The following STXBP5L variants were observed in gnomAD, a reference collection of about 807,000 sequenced individuals.
STXBP5L encodes syntaxin binding protein 5L.
In STXBP5L, 65 loss-of-function variants were observed where a neutral mutation model predicts 144.5. The observed-to-expected ratio is 0.45, with a 90% CI of 0.37 to 0.55. The LOEUF (loss-of-function observed/expected upper bound fraction) is 0.55, where lower values mean the gene tolerates loss of function less well. Ranked by LOEUF, STXBP5L falls within the 20% of genes least tolerant of loss-of-function variation. STXBP5L has a pLI of 0.00. For synonymous variants in STXBP5L, 505 were observed against 469.6 expected (o/e 1.08, Z -0.97); for missense variants, 1,298 against 1,405.5 (o/e 0.92, Z 1.22).
intron 10 of STXBP5L, among the ~76,000 whole-genome samples, chr3:121,207,989 A>G (rs1012602200): frequency 6.6e-5 from 10 of 152,188 alleles, no homozygotes; most frequent in African/African-American, 2.4e-4. Context: ...CTGGGTATAT[A>G]CCCAAAGGAT....
At chr3:121,011,649 G>C (rs1397339596) in intron 3 of STXBP5L, among the ~76,000 whole-genome samples, 1 of 151,012 alleles carries the variant, frequency 6.6e-6, no homozygotes, top group Non-Finnish European at 1.5e-5. Flanking sequence ...GTTACTCCTG[G>C]TAATATTCAC....
chr3:121,082,286 T>A (rs1317971785), intron 5 of STXBP5L, among the ~76,000 whole-genome samples: 1 of 150,568 alleles, frequency 6.6e-6, no homozygotes, highest in Non-Finnish European at 1.5e-5. Context: ...TCTTCTTTGA[T>A]TTCTTTCATC....
At chr3:120,984,782 A>G (rs564172354) in intron 3 of STXBP5L, among the ~76,000 whole-genome samples, 30 of 151,922 alleles carry the variant, frequency 2.0e-4, no homozygotes, top group Non-Finnish European at 3.8e-4. Flanking sequence ...AGTATGATGT[A>G]TGATGTATGC....
At chr3:121,350,449 T>A (rs1390655675) in intron 20 of STXBP5L, among the ~76,000 whole-genome samples, 2 of 152,174 alleles carry the variant, frequency 1.3e-5, no homozygotes, top group African/African-American at 4.8e-5. Flanking sequence ...GGAGTTGCTC[T>A]TCTCGAGGAG....
chr3:120,956,566 C>A (rs548933471), intron 3 of STXBP5L, among the ~76,000 whole-genome samples: 3 of 151,916 alleles, frequency 2.0e-5, no homozygotes, highest in Admixed American at 2.0e-4. Context: ...ATTTTGATAT[C>A]TGTTCGTTAA....
intron 9 of STXBP5L, among the ~76,000 whole-genome samples, chr3:121,175,093 G>C (rs1359880558): frequency 3.9e-5 from 6 of 152,212 alleles, no homozygotes; most frequent in Non-Finnish European, 5.9e-5. Flanking sequence ...TGTATCTACT[G>C]TCCACACACC....
intron 18 of STXBP5L, among the ~76,000 whole-genome samples, chr3:121,277,512 T>A (rs2050922475): frequency 6.6e-6 from 1 of 152,056 alleles, no homozygotes. Flanking sequence ...TTTGTCACAT[T>A]TGTATTTTCC....
At chr3:121,167,978 G>A (rs1367963244) in intron 9 of STXBP5L, among the ~76,000 whole-genome samples, 1 of 152,194 alleles carries the variant, frequency 6.6e-6, no homozygotes, top group Admixed American at 6.5e-5. Flanking sequence ...AGCTTCCAGA[G>A]GAAGGACCAG....
At chr3:121,052,811 T>A (rs976874463) in intron 5 of STXBP5L, among the ~76,000 whole-genome samples, 11 of 152,198 alleles carry the variant, frequency 7.2e-5, no homozygotes, top group Non-Finnish European at 1.5e-4. Flanking sequence ...AAATTGTCCC[T>A]GTTTGCAGAT....
At chr3:121,136,514 AACT>A (rs2045264706) in intron 7 of STXBP5L, among the ~76,000 whole-genome samples, 1 of 152,192 alleles carries the variant, frequency 6.6e-6, no homozygotes, top group South Asian at 2.1e-4. Context: ...TCCAAATCAA[AACT>A]ACAATAAGCT....
At chr3:121,188,664 C>G (rs1035829555) in intron 9 of STXBP5L, among the ~76,000 whole-genome samples, 1 of 152,166 alleles carries the variant, frequency 6.6e-6, no homozygotes, top group Non-Finnish European at 1.5e-5. Context: ...ATACGCAAAT[C>G]AATAAACGTA....
chr3:120,996,670 A>C (rs541676934), intron 3 of STXBP5L, among the ~76,000 whole-genome samples: 1 of 152,052 alleles, frequency 6.6e-6, no homozygotes, highest in Non-Finnish European at 1.5e-5. Context: ...TATGAATTCA[A>C]CTTTTTTAGA....
rs1350337307 is a variant in STXBP5L, at chr3:121,313,465, C to T, written c.2111-5010C>T. Among the ~76,000 whole-genome samples the T allele has an allele frequency of 9.8e-3, 863 of 87,916 alleles. 16 individuals carry two copies. The highest frequency in any genetic ancestry group is 0.019 in the Middle Eastern group (2 of 104). The allele number at this position is 87,916 out of a possible 152,430, so 57.7% of individuals were successfully genotyped here. ...CTGACCCCCCCACCTCCCTCCTGGA[C>T]GGGGCGACTGGCCGGGCAGAGGGGC... On this transcript the variant is annotated intron_variant, in intron 19 of 26. Coordinates refer to ENST00000471454, the MANE Select transcript of STXBP5L (RefSeq NM_001308330.2).
intron 3 of STXBP5L, among the ~76,000 whole-genome samples, chr3:121,009,060 G>A (rs1944573846): frequency 6.6e-6 from 1 of 151,826 alleles, no homozygotes; most frequent in African/African-American, 2.4e-5. Flanking sequence ...TAAAGAGAAG[G>A]ATTTCATAAC....
At chr3:121,269,356 A>C (rs2050669964) in intron 18 of STXBP5L, among the ~76,000 whole-genome samples, 1 of 152,116 alleles carries the variant, frequency 6.6e-6, no homozygotes, top group Non-Finnish European at 1.5e-5. Flanking sequence ...AGAAACTGTG[A>C]AGGGTCTAAG....
intron 7 of STXBP5L, among the ~76,000 whole-genome samples, chr3:121,144,413 A>C (rs2045637733): frequency 6.6e-6 from 1 of 151,880 alleles, no homozygotes; most frequent in Non-Finnish European, 1.5e-5. Flanking sequence ...AGAAACGCAA[A>C]TCAAAACCAA....
chr3:121,213,285 T>C (rs1488594601), intron 10 of STXBP5L, among the ~76,000 whole-genome samples: 2 of 151,928 alleles, frequency 1.3e-5, no homozygotes, highest in African/African-American at 4.9e-5. Flanking sequence ...CCTTATCTTG[T>C]GCCTGTTTTC....
At chr3:121,376,071 G>T (rs1486165025) in intron 20 of STXBP5L, among the ~76,000 whole-genome samples, 1 of 152,076 alleles carries the variant, frequency 6.6e-6, no homozygotes, top group Non-Finnish European at 1.5e-5. Context: ...TTATACTCTG[G>T]AACAAGACCG....
rs1213760630 is a variant in STXBP5L, at chr3:121,384,044, A to G, written c.2587+2512A>G. On this transcript the variant is annotated intron_variant, in intron 22 of 26. Coordinates refer to ENST00000471454, the MANE Select transcript of STXBP5L (RefSeq NM_001308330.2). The stretch of plus-strand genomic sequence containing the variant: ...AAACTTTTGTTAGTCGGCCTAGGAA[A>G]ATTCATGAGTCAAATAGTTTCCTTA... 2.6e-5 allele frequency among the ~76,000 whole-genome samples: 4 copies of G among 152,252 alleles called. No homozygotes were observed. In the East Asian group the frequency reaches 7.7e-4, roughly 29 times the overall value.
Sources: gnomAD v4.1 joint callset for allele counts (sites outside exome capture counted in the v4.1 genomes callset) on GRCh38, gnomAD v4.1.1 for gene constraint, MANE v1.5 for transcripts, NCBI Gene and HGNC (gene_info 2026-07-23, HGNC 2026-07-21) for gene names.